WWOX: variants seen among roughly 807,000 people sequenced by gnomAD.
WWOX encodes WW domain containing oxidoreductase.
Under a neutral mutation model 46.2 loss-of-function variants are expected in WWOX, and 69 were observed. That is an observed-to-expected ratio of 1.49 (90% confidence interval 1.23 to 1.82). The LOEUF (loss-of-function observed/expected upper bound fraction) is 1.82. Among genes scored for constraint, WWOX ranks in the 40% most tolerant of loss-of-function variants. WWOX has a pLI of 0.00. For missense variants in WWOX, 919 were observed against 542.6 expected (o/e 1.69, Z -6.89); for synonymous variants, 359 against 202.6 (o/e 1.77, Z -6.56).
intron 4 of WWOX, chr16:78,123,984 T>C (rs1326373264): frequency 6.6e-6 from 1 of 152,068 alleles, no homozygotes; most frequent in Non-Finnish European, 1.5e-5. Flanking sequence ...TGTACAATCT[T>C]AGGGAGGGTA....
intron 8 of WWOX, among the ~76,000 whole-genome samples, chr16:78,472,402 A>T (rs1164632422): frequency 6.6e-6 from 1 of 152,224 alleles, no homozygotes; most frequent in African/African-American, 2.4e-5. Context: ...TTTCTAAAGG[A>T]AGACATTTAG....
intron 8 of WWOX, among the ~76,000 whole-genome samples, chr16:79,057,944 A>G (rs1732230145): frequency 6.6e-6 from 1 of 152,078 alleles, no homozygotes; most frequent in African/African-American, 2.4e-5. Flanking sequence ...CAGTGGCCAA[A>G]TCATTCAAAT....
rs1389549763 is a variant in WWOX, at chr16:79,212,040, G to GTT, written c.*246_*247dup. ...TCTCTTTGCTTTCTGGTGGTGGCCT[G>GTT]TTTGAAAGTAAAAACCTGCTTGGTG... On this transcript the variant is annotated 3_prime_UTR_variant, in exon 9 of 9. Transcript: ENST00000566780. 6.5e-7 allele frequency: 1 copy of GTT among 1,536,176 alleles called. No homozygotes were observed. Among genetic ancestry groups the GTT allele is most frequent in the African/African-American group, 1.4e-5 (1 of 73,052 alleles).
chr16:78,731,603 G>C (rs1259489142), intron 8 of WWOX, among the ~76,000 whole-genome samples: 1 of 151,880 alleles, frequency 6.6e-6, no homozygotes, highest in East Asian at 1.9e-4. Flanking sequence ...GTGAAGATCA[G>C]TACCTTGAAA....
chr16:78,877,305 C>T (rs1294993643), intron 8 of WWOX, among the ~76,000 whole-genome samples: 1 of 151,518 alleles, frequency 6.6e-6, no homozygotes, highest in Non-Finnish European at 1.5e-5. Context: ...CCTGCCTCCC[C>T]CCTGTGAGCT....
intron 8 of WWOX, among the ~76,000 whole-genome samples, chr16:78,448,844 C>G (rs898455568): frequency 3.3e-5 from 5 of 152,050 alleles, no homozygotes; most frequent in African/African-American, 1.2e-4. Context: ...TGGTGATTGT[C>G]AACTGTCTTG....
intron 4 of WWOX, among the ~76,000 whole-genome samples, chr16:78,151,617 CT>C (rs1401823717): frequency 6.6e-6 from 1 of 152,170 alleles, no homozygotes; most frequent in Admixed American, 6.5e-5. Context: ...AGGCTCCTCC[CT>C]TTTTTTCTCA....
chr16:78,894,158 C>A (rs1205426183), intron 8 of WWOX, among the ~76,000 whole-genome samples: 1 of 151,944 alleles, frequency 6.6e-6, no homozygotes, highest in Non-Finnish European at 1.5e-5. Context: ...CCCACCTCAG[C>A]CTCCTGAATA....
At chr16:78,628,169 G>A (rs1367939253) in intron 8 of WWOX, among the ~76,000 whole-genome samples, 4 of 151,440 alleles carry the variant, frequency 2.6e-5, no homozygotes, top group African/African-American at 9.8e-5. Context: ...GCAAAAGCTG[G>A]ATGCTTGGAA....
chr16:78,550,338 A>G (rs999253460), intron 8 of WWOX, among the ~76,000 whole-genome samples: 5 of 152,216 alleles, frequency 3.3e-5, no homozygotes, highest in Admixed American at 3.3e-4. Flanking sequence ...CCTACAAGGT[A>G]CCTATCACAA....
chr16:79,142,857 C>G (rs879937271), intron 8 of WWOX, among the ~76,000 whole-genome samples: 7 of 152,050 alleles, frequency 4.6e-5, no homozygotes, highest in Non-Finnish European at 8.8e-5. Flanking sequence ...CACCATCATG[C>G]TGAGCTAATT....
At chr16:78,800,927 C>G (rs528938301) in intron 8 of WWOX, among the ~76,000 whole-genome samples, 4 of 144,892 alleles carry the variant, frequency 2.8e-5, no homozygotes, top group African/African-American at 7.7e-5. Flanking sequence ...AAGCATCAAA[C>G]TCTCAAATGG....
chr16:78,664,800 A>G (rs1388105985), intron 8 of WWOX, among the ~76,000 whole-genome samples: 3 of 152,210 alleles, frequency 2.0e-5, no homozygotes, highest in Admixed American at 1.3e-4. Context: ...AAAATAGGAA[A>G]ATAGATTTCA....
At chr16:78,564,226 T>A (rs928703582) in intron 8 of WWOX, among the ~76,000 whole-genome samples, 1 of 152,226 alleles carries the variant, frequency 6.6e-6, no homozygotes, top group African/African-American at 2.4e-5. Flanking sequence ...TGATGGTTCA[T>A]TGCACAGCAA....
intron 8 of WWOX, among the ~76,000 whole-genome samples, chr16:79,075,653 A>G (rs1276403859): frequency 6.6e-6 from 1 of 151,882 alleles, no homozygotes; most frequent in African/African-American, 2.4e-5. Flanking sequence ...TCTGGGATCA[A>G]GTGATTCTCC....
chr16:78,589,784 GCTGGCTTTTTCCCCCTTTTTTCTCCCTT>G (rs2045307961), intron 8 of WWOX, among the ~76,000 whole-genome samples: 1 of 152,264 alleles, frequency 6.6e-6, no homozygotes, highest in East Asian at 1.9e-4. Flanking sequence ...TCATCTCTCT[GCTGGCTTTTTCCCCCTTTTTTCTCCCTT>G]CTGTAGAATA....
intron 8 of WWOX, among the ~76,000 whole-genome samples, chr16:79,187,824 G>C (rs2051048883): frequency 6.6e-6 from 1 of 152,366 alleles, no homozygotes; most frequent in African/African-American, 2.4e-5. Flanking sequence ...TTACAGGCGT[G>C]AGCCACCATG....
At chr16:79,013,394 C>T (rs1311439652) in intron 8 of WWOX, among the ~76,000 whole-genome samples, 1 of 152,240 alleles carries the variant, frequency 6.6e-6, no homozygotes, top group Non-Finnish European at 1.5e-5. Context: ...CTTGTCTCTG[C>T]TCAGTTCTGG....
intron 5 of WWOX, among the ~76,000 whole-genome samples, chr16:78,305,302 G>T (rs755367721): frequency 1.3e-5 from 2 of 152,112 alleles, no homozygotes; most frequent in African/African-American, 4.8e-5. Flanking sequence ...CCAGGGAGGT[G>T]CTGTTAATAG....
Sources: gnomAD v4.1 joint callset for allele counts (sites outside exome capture counted in the v4.1 genomes callset) on GRCh38, gnomAD v4.1.1 for gene constraint, MANE v1.5 for transcripts, NCBI Gene and HGNC (gene_info 2026-07-23, HGNC 2026-07-21) for gene names.